DCC: variants seen among roughly 807,000 people sequenced by gnomAD.
DCC encodes the protein netrin receptor DCC.
A neutral mutation model predicts 172.5 loss-of-function variants in DCC; 58 were observed. The observed-to-expected ratio is 0.34, with a 90% CI of 0.27 to 0.42. The LOEUF (loss-of-function observed/expected upper bound fraction) is 0.42. Ranked by LOEUF, DCC falls within the 10% of genes least tolerant of loss-of-function variation. The pLI is 1.00. For missense variants in DCC, 1,740 were observed against 1,791.0 expected (o/e 0.97, Z 0.51); for synonymous variants, 709 against 644.5 (o/e 1.10, Z -1.52).
chr18:52,664,767 G>C (rs568792386), intron 1 of DCC, among the ~76,000 whole-genome samples: 4 of 151,910 alleles, frequency 2.6e-5, no homozygotes, highest in African/African-American at 9.7e-5. Context: ...CACCGCGCCC[G>C]GCCCAGTGGC....
chr18:52,410,164 C>CAA (rs1394511388), intron 1 of DCC, among the ~76,000 whole-genome samples: 1 of 152,148 alleles, frequency 6.6e-6, no homozygotes, highest in African/African-American at 2.4e-5. Context: ...TGACTCATGC[C>CAA]TGTCATCCCA....
rs975061981 is a variant in DCC, at chr18:52,585,956, C to G, written c.92-166098C>G. 2.0e-5 allele frequency among the ~76,000 whole-genome samples: 3 copies of G among 151,682 alleles called. No homozygotes were observed. The East Asian group carries it at 5.9e-4, about 30-fold the overall frequency. On this transcript the variant is annotated intron_variant, in intron 1 of 28. Transcript: ENST00000442544. ...AAATTAGCTGGGAGTCTTGGCGGGCCCCTGTAGTCCCAGCTACTCGGGAGG... is the reference window on the plus strand; with the variant it reads ...AAATTAGCTGGGAGTCTTGGCGGGCGCCTGTAGTCCCAGCTACTCGGGAGG...
At chr18:52,953,041 C>CCTTTAATA (rs2040683457) in intron 5 of DCC, among the ~76,000 whole-genome samples, 1 of 142,638 alleles carries the variant, frequency 7.0e-6, no homozygotes, top group Non-Finnish European at 1.5e-5. Flanking sequence ...CATAACATTG[C>CCTTTAATA]CTTTAATACC....
At chr18:53,299,289 C>A (rs887857686) in intron 12 of DCC, among the ~76,000 whole-genome samples, 2 of 152,232 alleles carry the variant, frequency 1.3e-5, no homozygotes, top group Admixed American at 6.5e-5. Context: ...ACACATTAAT[C>A]CAGCCTTCTC....
At chr18:53,170,208 C>T (rs1391337213) in intron 8 of DCC, among the ~76,000 whole-genome samples, 1 of 152,130 alleles carries the variant, frequency 6.6e-6, no homozygotes, top group Non-Finnish European at 1.5e-5. Context: ...GACACTCATC[C>T]ACCAGTGGGG....
At chr18:52,657,346 T>C (rs2035275074) in intron 1 of DCC, among the ~76,000 whole-genome samples, 1 of 152,222 alleles carries the variant, frequency 6.6e-6, no homozygotes, top group African/African-American at 2.4e-5. Context: ...GCCACATGGC[T>C]GTGGCTACAT....
At chr18:53,021,569 T>C (rs1161136085) in intron 5 of DCC, among the ~76,000 whole-genome samples, 7 of 152,138 alleles carry the variant, frequency 4.6e-5, no homozygotes, top group Non-Finnish European at 8.8e-5. Flanking sequence ...TGTGTGTGTG[T>C]GCATGTGTAT....
intron 1 of DCC, among the ~76,000 whole-genome samples, chr18:52,538,653 C>G (rs931978631): frequency 6.6e-6 from 1 of 152,180 alleles, no homozygotes; most frequent in Non-Finnish European, 1.5e-5. Flanking sequence ...TCTCCAGTAG[C>G]CCTTTCACAG....
At chr18:52,502,389 C>G (rs937705079) in intron 1 of DCC, among the ~76,000 whole-genome samples, 1 of 152,158 alleles carries the variant, frequency 6.6e-6, no homozygotes, top group Non-Finnish European at 1.5e-5. Context: ...TTCTACCAGC[C>G]TTTCCTACGA....
chr18:53,214,397 A>T (rs72923258), intron 11 of DCC, among the ~76,000 whole-genome samples: 47,154 of 152,138 alleles, frequency 0.31, 9,124 homozygotes, highest in East Asian at 0.58. Context: ...AGTTTGGAAG[A>T]TAAAAGATTA....
intron 1 of DCC, among the ~76,000 whole-genome samples, chr18:52,731,651 C>T (rs1322050926): frequency 6.6e-6 from 1 of 152,150 alleles, no homozygotes; most frequent in African/African-American, 2.4e-5. Context: ...GACTTCATGA[C>T]ATTATTTGAG....
intron 8 of DCC, among the ~76,000 whole-genome samples, chr18:53,159,216 G>A (rs555027068): frequency 6.6e-6 from 1 of 152,146 alleles, no homozygotes; most frequent in South Asian, 2.1e-4. Flanking sequence ...ATTTCCTGGA[G>A]GTACCTTAAA....
chr18:52,767,577 C>T (rs1251688851), intron 2 of DCC, among the ~76,000 whole-genome samples: 4 of 152,142 alleles, frequency 2.6e-5, no homozygotes, highest in Non-Finnish European at 5.9e-5. Context: ...CCTCCTTTTA[C>T]GCTTGTTGGT....
chr18:52,667,610 G>C (rs1210615779), intron 1 of DCC, among the ~76,000 whole-genome samples: 2 of 152,100 alleles, frequency 1.3e-5, no homozygotes, highest in African/African-American at 4.8e-5. Flanking sequence ...TTAGAAACAC[G>C]ATCTACTAAT....
chr18:52,384,828 G>A (rs1055174875), intron 1 of DCC, among the ~76,000 whole-genome samples: 9 of 152,098 alleles, frequency 5.9e-5, no homozygotes, highest in Non-Finnish European at 1.3e-4. Context: ...ATTCATATTT[G>A]ATGAAGAGAC....
chr18:52,870,802 T>C (rs2039307318), intron 2 of DCC, among the ~76,000 whole-genome samples: 1 of 150,670 alleles, frequency 6.6e-6, no homozygotes, highest in Non-Finnish European at 1.5e-5. Context: ...CACCAAACTA[T>C]CTTGGAAAAA....
chr18:52,741,998 A>G (rs1463601922), intron 1 of DCC, among the ~76,000 whole-genome samples: 1 of 152,160 alleles, frequency 6.6e-6, no homozygotes, highest in Non-Finnish European at 1.5e-5. Flanking sequence ...TACCTTTCCT[A>G]TAAGAAGAAG....
At chr18:52,554,655 G>A (rs1270635434) in intron 1 of DCC, among the ~76,000 whole-genome samples, 2 of 151,980 alleles carry the variant, frequency 1.3e-5, no homozygotes, top group Admixed American at 6.6e-5. Context: ...TAAAGGAAAG[G>A]GATACCTAGC....
At chr18:52,827,958 G>C (rs1456498148) in intron 2 of DCC, among the ~76,000 whole-genome samples, 1 of 151,982 alleles carries the variant, frequency 6.6e-6, no homozygotes, top group Non-Finnish European at 1.5e-5. Flanking sequence ...GAAATTTATA[G>C]TAGTAGTTTT....
Sources: gnomAD v4.1 joint callset for allele counts (sites outside exome capture counted in the v4.1 genomes callset) on GRCh38, gnomAD v4.1.1 for gene constraint, MANE v1.5 for transcripts, NCBI Gene and HGNC (gene_info 2026-07-23, HGNC 2026-07-21) for gene names.